Variants in STAU1 observed in about 807,000 individuals in gnomAD.
STAU1 encodes double-stranded RNA-binding protein Staufen homolog 1.
STAU1 carries 13 observed loss-of-function variants against 62.9 expected under a neutral mutation model. The ratio of observed to expected loss-of-function variants is 0.21; its 90% CI spans 0.13 to 0.33. The LOEUF (loss-of-function observed/expected upper bound fraction) is 0.33. STAU1 is among the 10% of genes least tolerant of loss of function. The probability of loss-of-function intolerance (pLI) is 1.00; values close to 1 mark genes in which losing one functional copy is unlikely to be tolerated. For synonymous variants in STAU1, 269 were observed against 265.1 expected, an observed-to-expected ratio of 1.01 and a Z score of -0.14; for missense variants, 571 against 712.1, an observed-to-expected ratio of 0.80 and a Z score of 2.25.
At chr20:49,177,243 T>TA (rs2093671419) in intron 1 of STAU1, among the ~76,000 whole-genome samples, 1 of 146,758 alleles carries the variant, frequency 6.8e-6, no homozygotes, top group African/African-American at 2.5e-5. Flanking sequence ...AAAGCAGAAG[T>TA]AAAAAATAAA....
chr20:49,209,200 G>T, the STAU1 span, among the ~76,000 whole-genome samples: 1 of 151,004 alleles, frequency 6.6e-6, no homozygotes, highest in Admixed American at 6.6e-5. Context: ...CTTCCAAAGC[G>T]CTGGGATTAT....
At chr20:49,135,586 T>C (rs938934902) in intron 6 of STAU1, among the ~76,000 whole-genome samples, 1 of 152,214 alleles carries the variant, frequency 6.6e-6, no homozygotes, top group Non-Finnish European at 1.5e-5. Context: ...TTCAGACTGC[T>C]TCAGGAGGTC....
chr20:49,212,141 C>T, the STAU1 span, among the ~76,000 whole-genome samples: 1 of 152,128 alleles, frequency 6.6e-6, no homozygotes. Context: ...AGGTACATAC[C>T]ACCATGCCTG....
At chr20:49,195,898 C>CAAAAAAAAAA in the STAU1 span, among the ~76,000 whole-genome samples, 1 of 33,872 alleles carries the variant, frequency 3.0e-5, no homozygotes, top group African/African-American at 1.0e-4. Flanking sequence ...AACTTCCTCT[C>CAAAAAAAAAA]AAAAAAAAAA....
At chr20:49,177,823 A>G (rs2093678562) in intron 1 of STAU1, among the ~76,000 whole-genome samples, 1 of 152,202 alleles carries the variant, frequency 6.6e-6, no homozygotes, top group Admixed American at 6.5e-5. Context: ...GAGAGAGGGG[A>G]GAAATACAGC....
At chr20:49,125,198 CAAAAAAAAAAAAAA>C (rs1171534142) in intron 6 of STAU1, among the ~76,000 whole-genome samples, 3 of 33,736 alleles carry the variant, frequency 8.9e-5, no homozygotes, top group East Asian at 1.4e-3. Flanking sequence ...CTCATTTTTG[CAAAAAAAAAAAAAA>C]AAAAAAAAAA....
chr20:49,123,009 G>A (rs2092501979), intron 8 of STAU1, 83 bp downstream of exon 8: 1 of 1,425,412 alleles, frequency 7.0e-7, no homozygotes, highest in Non-Finnish European at 9.3e-7. Flanking sequence ...TCCTCAGGAA[G>A]GTGTCCAGAC....
At chr20:49,122,788 G>C (rs921028831) in intron 8 of STAU1, among the ~76,000 whole-genome samples, 1 of 152,020 alleles carries the variant, frequency 6.6e-6, no homozygotes, top group African/African-American at 2.4e-5. Context: ...ATGGTGGCAC[G>C]TGCCTGTAAT....
intron 3 of STAU1, among the ~76,000 whole-genome samples, chr20:49,157,210 A>C (rs1600774945): frequency 6.6e-6 from 1 of 152,120 alleles, no homozygotes; most frequent in Admixed American, 6.5e-5. Context: ...CTCATGAAAG[A>C]TATTTTGCAA....
chr20:49,132,184 AG>A, intron 6 of STAU1, among the ~76,000 whole-genome samples: 1 of 152,128 alleles, frequency 6.6e-6, no homozygotes. Flanking sequence ...CCCACACCCA[AG>A]GGCAGAGATT....
chr20:49,124,685 G>A, intron 6 of STAU1, 98 bp from the exon 7 acceptor site: 3 of 1,263,628 alleles, frequency 2.4e-6, no homozygotes, highest in Non-Finnish European at 2.3e-6. Flanking sequence ...CAGGGAAGGG[G>A]AACCAAGGAC....
chr20:49,204,106 A>G, the STAU1 span, among the ~76,000 whole-genome samples: 2 of 152,070 alleles, frequency 1.3e-5, no homozygotes, highest in African/African-American at 2.4e-5. Flanking sequence ...TTCTAAAACA[A>G]TATTGTTTTG....
At chr20:49,124,325 A>G in intron 7 of STAU1, 50 bp downstream of exon 7, 1 of 1,581,500 alleles carries the variant, frequency 6.3e-7, no homozygotes, top group Non-Finnish European at 8.6e-7. Context: ...TAAACCCCCC[A>G]CCCATCTATA....
chr20:49,208,144 C>T, the STAU1 span, among the ~76,000 whole-genome samples: 1 of 152,186 alleles, frequency 6.6e-6, no homozygotes, highest in East Asian at 1.9e-4. Context: ...ACTGCAACCT[C>T]AGCTTCCTGG....
chr20:49,126,589 A>AAAAAAAAAAAACAAAAAAAAAACAAC (rs760560771), intron 6 of STAU1, among the ~76,000 whole-genome samples: 4 of 44,270 alleles, frequency 9.0e-5, no homozygotes, highest in Non-Finnish European at 1.5e-4. Flanking sequence ...AAAAAAAAAC[A>AAAAAAAAAAAACAAAAAAAAAACAAC]AAAAAAAAAC....
intron 3 of STAU1, 150 bp from the exon 4 acceptor site, chr20:49,154,221 G>T: frequency 1.5e-6 from 1 of 664,744 alleles, no homozygotes. Context: ...CATCAGACAA[G>T]GAAATCCAAG....
intron 2 of STAU1, among the ~76,000 whole-genome samples, chr20:49,171,318 G>A (rs184868911): frequency 2.1e-3 from 315 of 152,162 alleles, no homozygotes; most frequent in Middle Eastern, 3.4e-3. Context: ...TTATTGAGAC[G>A]GAGTCTCGCT....
intron 1 of STAU1, among the ~76,000 whole-genome samples, chr20:49,175,327 C>T (rs2093645683): frequency 1.3e-5 from 2 of 150,060 alleles, no homozygotes; most frequent in African/African-American, 4.9e-5. Flanking sequence ...TGAGACTCCT[C>T]TGGGAAAAAA....
At chr20:49,128,896 TTTAGG>T (rs1275968063) in intron 6 of STAU1, among the ~76,000 whole-genome samples, 2 of 151,986 alleles carry the variant, frequency 1.3e-5, no homozygotes, top group Non-Finnish European at 2.9e-5. Flanking sequence ...GGAAAATGAC[TTTAGG>T]TTAGCCAAAT....
Sources: gnomAD v4.1 joint callset for allele counts (sites outside exome capture counted in the v4.1 genomes callset) on GRCh38, gnomAD v4.1.1 for gene constraint, MANE v1.5 for transcripts, NCBI Gene and HGNC (gene_info 2026-07-23, HGNC 2026-07-21) for gene names.